KIF3A: variants seen among roughly 807,000 people sequenced by gnomAD.
KIF3A encodes kinesin-like protein KIF3A.
A neutral mutation model predicts 92.6 loss-of-function variants in KIF3A; 27 were observed. The ratio of observed to expected loss-of-function variants is 0.29; its 90% CI spans 0.21 to 0.40. The LOEUF is 0.40. Ranked by LOEUF, KIF3A falls within the 10% of genes least tolerant of loss-of-function variation. KIF3A has a pLI of 1.00. For synonymous variants in KIF3A, 250 were observed against 275.4 expected (o/e 0.91, Z 0.92); for missense variants, 581 against 872.6 (o/e 0.67, Z 4.21).
chr5:132,736,999 G>A (rs1018475246), intron 1 of KIF3A: 191 of 334,948 alleles, frequency 5.7e-4, no homozygotes, highest in Non-Finnish European at 9.0e-5. Flanking sequence ...GGGGCAGGCA[G>A]CCTTCGCTCC....
In KIF3A at chr5:132,696,620, T is replaced by C; in HGVS notation, c.*14A>G. 1 of 1,557,168 alleles carries C rather than the reference T, an allele frequency of 6.4e-7. No homozygotes were observed. Among genetic ancestry groups the C allele is most frequent in the Non-Finnish European group, 8.9e-7 (1 of 1,129,438 alleles). On this transcript the variant is annotated 3_prime_UTR_variant, in exon 19 of 19. Transcript: ENST00000403231. The stretch of plus-strand genomic sequence containing the variant: ...ATATCACTAATTTTTATTGTGACTT[T>C]AAGTCTGTAACATTTACTGCAGTAA...
intron 18 of KIF3A, among the ~76,000 whole-genome samples, chr5:132,697,346 A>AT (rs1054651374): frequency 6.6e-5 from 10 of 151,978 alleles, no homozygotes; most frequent in African/African-American, 2.2e-4. Context: ...GGGCCACACG[A>AT]TTTTTTTAAT....
intron 2 of KIF3A, among the ~76,000 whole-genome samples, chr5:132,732,648 G>A (rs1297110548): frequency 6.6e-6 from 1 of 152,030 alleles, no homozygotes; most frequent in Admixed American, 6.6e-5. Flanking sequence ...AGTGGCTCAC[G>A]CCTGTAATCC....
intron 2 of KIF3A, among the ~76,000 whole-genome samples, chr5:132,733,127 G>A (rs1215599567): frequency 6.6e-6 from 1 of 152,158 alleles, no homozygotes; most frequent in Non-Finnish European, 1.5e-5. Flanking sequence ...GTAATGGATT[G>A]GGAGTGACTG....
intron 2 of KIF3A, among the ~76,000 whole-genome samples, 196 bp from the exon 3 acceptor site, chr5:132,726,694 G>A (rs1387542422): frequency 6.6e-6 from 1 of 152,138 alleles, no homozygotes; most frequent in Non-Finnish European, 1.5e-5. Context: ...TGTTACAGCA[G>A]TCAATGAGAG....
At chr5:132,692,538 G>A (rs1022681656), downstream of KIF3A, 5 of 152,316 alleles carry the variant, frequency 3.3e-5, no homozygotes, top group African/African-American at 1.2e-4. Context: ...ACCACAAATT[G>A]AGATGCCAAG....
intron 5 of KIF3A, among the ~76,000 whole-genome samples, chr5:132,720,351 A>C (rs1336480474): frequency 6.6e-6 from 1 of 152,238 alleles, no homozygotes; most frequent in Non-Finnish European, 1.5e-5. Context: ...TTACTATTAT[A>C]GCTACCAAGA....
In KIF3A at chr5:132,702,119, T is replaced by C. The variant is rs1219660801; in HGVS notation, c.1852A>G (p.Ile618Val). The change falls in exon 15 of 19, where the codon ATT becomes GTT. Residue 618 changes from isoleucine (I) to valine (V), a missense_variant. By Grantham distance (29) the Ile-to-Val change is conservative (BLOSUM62 3). Transcript: ENST00000403231. Reference protein sequence around the residue: ...LSRELRLQMLIIDNFIPRDYQ... With the variant: ...LSRELRLQMLVIDNFIPRDYQ... ...TCCCGAGGTATAAAGTTATCAATAA[T>C]AAGCATCTGAAGTCGAAGCTCCCGG... 1 of 1,613,688 alleles carries C rather than the reference T, an allele frequency of 6.2e-7. No individual in the cohort carries two copies. The highest frequency in any genetic ancestry group is 8.5e-7 in the Non-Finnish European group (1 of 1,179,646).
At chr5:132,714,326 CAAG>C (rs1753539182) in intron 8 of KIF3A, among the ~76,000 whole-genome samples, 1 of 152,054 alleles carries the variant, frequency 6.6e-6, no homozygotes. Context: ...TTCAATTTTG[CAAG>C]AAGAAAACTG....
At chr5:132,698,273 T>A (rs1003940435) in intron 18 of KIF3A, among the ~76,000 whole-genome samples, 1 of 152,016 alleles carries the variant, frequency 6.6e-6, no homozygotes, top group Non-Finnish European at 1.5e-5. Context: ...CCCCAGAGTC[T>A]TAAAATCAGC....
intron 2 of KIF3A, among the ~76,000 whole-genome samples, chr5:132,733,177 A>C (rs1754290012): frequency 6.6e-6 from 1 of 152,182 alleles, no homozygotes; most frequent in Admixed American, 6.5e-5. Flanking sequence ...GAGTGATAGA[A>C]ATGTTCTGGA....
intron 7 of KIF3A, 74 bp downstream of exon 7, chr5:132,716,171 T>A: frequency 8.1e-7 from 1 of 1,234,554 alleles, no homozygotes; most frequent in Non-Finnish European, 1.2e-6. Flanking sequence ...AAAAATGTGA[T>A]ACGTATCAAT....
chr5:132,703,301 T>C (rs1753105132), intron 12 of KIF3A, among the ~76,000 whole-genome samples, 162 bp downstream of exon 12: 2 of 152,082 alleles, frequency 1.3e-5, no homozygotes, highest in Non-Finnish European at 2.9e-5. Context: ...ATAGATCTAG[T>C]TTTTAGAAAT....
At chr5:132,701,407 G>A (rs946246775) in intron 15 of KIF3A, among the ~76,000 whole-genome samples, 13 of 149,282 alleles carry the variant, frequency 8.7e-5, no homozygotes, top group Admixed American at 6.8e-4. Context: ...GCAGAGGCAT[G>A]AGAATCACTT....
chr5:132,733,630 G>A (rs1185808734), intron 2 of KIF3A, among the ~76,000 whole-genome samples: 1 of 152,138 alleles, frequency 6.6e-6, no homozygotes, highest in Non-Finnish European at 1.5e-5. Context: ...AGCCAGGTGT[G>A]GTGGCGCACA....
chr5:132,721,092 T>C (rs1753807606), intron 4 of KIF3A, among the ~76,000 whole-genome samples: 1 of 152,002 alleles, frequency 6.6e-6, no homozygotes, highest in Non-Finnish European at 1.5e-5. Context: ...AAGAAAAAAC[T>C]AGGCACTTAC....
At chr5:132,723,990 G>A (rs1228190982) in intron 4 of KIF3A, among the ~76,000 whole-genome samples, 3 of 152,102 alleles carry the variant, frequency 2.0e-5, no homozygotes, top group African/African-American at 4.8e-5. Context: ...GTGGGTGAAG[G>A]ATATGAACAG....
intron 7 of KIF3A, 121 bp from the exon 8 acceptor site, chr5:132,716,052 T>A (rs1753610108): frequency 1.1e-6 from 1 of 876,298 alleles, no homozygotes; most frequent in Non-Finnish European, 1.7e-6. Context: ...TTCTCGAAAA[T>A]GAGAGTGTCA....
chr5:132,721,095 GCA>G (rs1753807701), intron 4 of KIF3A, among the ~76,000 whole-genome samples: 1 of 152,026 alleles, frequency 6.6e-6, no homozygotes, highest in Admixed American at 6.6e-5. Flanking sequence ...AAAAAACTAG[GCA>G]CTTACAAAAA....
Sources: gnomAD v4.1 joint callset for allele counts (sites outside exome capture counted in the v4.1 genomes callset) on GRCh38, gnomAD v4.1.1 for gene constraint, MANE v1.5 for transcripts, NCBI Gene and HGNC (gene_info 2026-07-23, HGNC 2026-07-21) for gene names.